Variants in INO80 observed in about 807,000 individuals in gnomAD.
INO80 encodes INO80 complex ATPase subunit.
A neutral mutation model predicts 203.4 loss-of-function variants in INO80; 20 were observed. The observed-to-expected ratio is 0.10, with a 90% CI of 0.07 to 0.14. INO80 has a LOEUF of 0.14. Ranked by LOEUF, INO80 falls within the 10% of genes least tolerant of loss-of-function variation. The pLI is 1.00. For missense variants in INO80, 1,419 were observed against 1,914.4 expected (o/e 0.74, Z 4.83); for synonymous variants, 726 against 685.2 (o/e 1.06, Z -0.93).
At chr15:41,025,958 A>C (rs1370640440) in intron 25 of INO80, among the ~76,000 whole-genome samples, 1 of 152,202 alleles carries the variant, frequency 6.6e-6, no homozygotes, top group Non-Finnish European at 1.5e-5. Context: ...GCACTAACTT[A>C]AGCTTCTGAG....
chr15:41,074,646 G>T, intron 9 of INO80, 81 bp from the exon 10 acceptor site: 1 of 888,196 alleles, frequency 1.1e-6, no homozygotes. Flanking sequence ...ACTTATATTT[G>T]CATACAATTC....
At position 41,006,869 on chromosome 15, in the gene INO80, G is replaced by T. The variant is rs1291295258; in HGVS notation, c.3403-1182C>A. Among the ~76,000 whole-genome samples, 4 of 152,132 alleles carry T rather than the reference G, an allele frequency of 2.6e-5. No individual in the cohort carries two copies. The East Asian group carries it at 7.7e-4, about 29-fold the overall frequency. On this transcript the variant is annotated intron_variant, in intron 27 of 35. Coordinates refer to ENST00000648947, the MANE Select transcript of INO80 (RefSeq NM_017553.3). ...CCTTAAGAGCTGTGATAATCAAAGAGAAGCATAAAATAAAGTGAGCTTCAA... is the reference window on the plus strand; with the variant it reads ...CCTTAAGAGCTGTGATAATCAAAGATAAGCATAAAATAAAGTGAGCTTCAA...
chr15:41,061,601 C>T lies in INO80; in HGVS notation c.1783-1675G>A, dbSNP rs554198929. Among the ~76,000 whole-genome samples, 88 of 151,142 alleles carry T rather than the reference C, an allele frequency of 5.8e-4. 1 individual carries two copies. The highest frequency in any genetic ancestry group is 2.0e-3 in the African/African-American group (82 of 41,162). On this transcript the variant is annotated intron_variant, in intron 14 of 35. Coordinates refer to ENST00000648947, the MANE Select transcript of INO80 (RefSeq NM_017553.3). Reference sequence around the variant, plus strand: ...TCGTGCCACTGCACTCCAGCCTGGGCGACAGAGTGAGACTGTGTTTCAAAA... The same window carrying T: ...TCGTGCCACTGCACTCCAGCCTGGGTGACAGAGTGAGACTGTGTTTCAAAA...
chr15:40,993,176 C>CT, intron 29 of INO80, among the ~76,000 whole-genome samples: 1 of 152,192 alleles, frequency 6.6e-6, no homozygotes, highest in Non-Finnish European at 1.5e-5. Context: ...CCTAGGCCTA[C>CT]TTTGCTTCTT....
chr15:40,991,749 A>C (rs909799430), intron 29 of INO80, among the ~76,000 whole-genome samples: 1 of 151,850 alleles, frequency 6.6e-6, no homozygotes, highest in African/African-American at 2.4e-5. Flanking sequence ...AGGGGATGAG[A>C]GAATGAGATT....
intron 29 of INO80, among the ~76,000 whole-genome samples, chr15:40,995,676 CAA>C (rs1356291394): frequency 6.6e-6 from 1 of 152,088 alleles, no homozygotes; most frequent in East Asian, 1.9e-4. Context: ...GCAGCTGGGA[CAA>C]AGTGATGAAT....
At chr15:41,003,470 C>G (rs1326888465) in intron 28 of INO80, among the ~76,000 whole-genome samples, 1 of 151,298 alleles carries the variant, frequency 6.6e-6, no homozygotes, top group Non-Finnish European at 1.5e-5. Context: ...GCTGGGATTA[C>G]AGGCGCCCAC....
At position 41,085,528 on chromosome 15, in the gene INO80, T is replaced by C; in HGVS notation, c.714A>G (p.Glu238=). The C allele has an allele frequency of 6.2e-7, 1 of 1,614,202 alleles. No individual in the cohort carries two copies. Among genetic ancestry groups the C allele is most frequent in the Non-Finnish European group, 8.5e-7 (1 of 1,180,046 alleles). ...GGTGGTGATGGCGACGAGGGGATTC[T>C]TCAGAGGAAAGTTCTTCATCTCTTC... ...KRRRDEELSS[E]ESPRRHHHQT... is the part of the protein sequence containing the mutation. Residue 238 remains glutamate (E), a synonymous_variant, in exon 7 of 36, where the codon GAA becomes GAG. Coordinates refer to ENST00000648947, the MANE Select transcript of INO80 (RefSeq NM_017553.3).
chr15:40,980,436 G>A lies in INO80; in HGVS notation c.4458C>T (p.Ile1486=). The A allele has an allele frequency of 6.2e-7, 1 of 1,612,026 alleles. No individual in the cohort carries two copies. The highest frequency in any genetic ancestry group is 1.7e-5 in the Admixed American group (1 of 60,020). The change falls in exon 36 of 36, where the codon ATC becomes ATT. Residue 1486 remains isoleucine, a synonymous_variant. Coordinates refer to ENST00000648947, the MANE Select transcript of INO80 (RefSeq NM_017553.3). Reference sequence around the variant, plus strand: ...ATGTCTGCAGAGGACTGCTGGCGGAGATTCCTGTGGGGACGGAGAGAGACA... The same window carrying A: ...ATGTCTGCAGAGGACTGCTGGCGGAAATTCCTGTGGGGACGGAGAGAGACA... ...AAYGYNVSKG[I]SASSPLQTSL...
At chr15:41,087,734 A>G in intron 5 of INO80, 52 bp from the exon 6 acceptor site, 1 of 1,559,156 alleles carries the variant, frequency 6.4e-7, no homozygotes, top group Non-Finnish European at 8.7e-7. Flanking sequence ...ACAGCTTTCA[A>G]ATTACCTTTA....
rs538816119 is a variant in INO80, at chr15:40,983,808, G to A, written c.4191C>T (p.Thr1397=). Residue 1397 remains threonine, a synonymous_variant, in exon 34 of 36, where the codon ACC becomes ACT. Transcript: ENST00000648947. ...AGCCTGTTATGGATGCGGGAGAGTT[G>A]GTAGCTCGAGACTGAGGGGCTGAGG... ...PASSAPQSRA[T]NSPASITGSV... The A allele has an allele frequency of 6.8e-6, 11 of 1,612,652 alleles. No individual in the cohort carries two copies. Among genetic ancestry groups the A allele is most frequent in the Non-Finnish European group, 9.3e-6 (11 of 1,179,982 alleles).
At chr15:41,002,390 TTAAG>T (rs144959756) in intron 28 of INO80, among the ~76,000 whole-genome samples, 4,209 of 152,252 alleles carry the variant, frequency 0.028, 181 homozygotes, top group African/African-American at 0.096. Flanking sequence ...GCTTCCCAAG[TTAAG>T]TAAGATATTT....
intron 1 of INO80, among the ~76,000 whole-genome samples, chr15:41,097,812 G>C (rs1338663234): frequency 6.6e-6 from 1 of 151,870 alleles, no homozygotes; most frequent in African/African-American, 2.4e-5. Context: ...AATTAGCTGG[G>C]CATGGTGGCA....
Position 41,050,554 on chromosome 15 carries a change from C to T in INO80, c.2275-452G>A, listed in dbSNP as rs186016204. On this transcript the variant is annotated intron_variant, in intron 19 of 35. Coordinates refer to ENST00000648947, the MANE Select transcript of INO80 (RefSeq NM_017553.3). ...TCAGTTGGGAAAGACAAACTTAACT[C>T]ACCTCTGAATGCTCTCTCACACCTC... Among the ~76,000 whole-genome samples, 409 of 152,260 alleles carry T rather than the reference C, an allele frequency of 2.7e-3. 3 individuals are homozygous for T. The highest frequency in any genetic ancestry group is 0.013 in the South Asian group (62 of 4,830).
intron 27 of INO80, chr15:41,013,155 T>C (rs2044156872): frequency 6.6e-6 from 1 of 152,228 alleles, no homozygotes; most frequent in African/African-American, 2.4e-5. Flanking sequence ...GTTGCTCACA[T>C]ACTCCACAGC....
chr15:41,078,356 A>C (rs914313978), intron 9 of INO80, among the ~76,000 whole-genome samples: 1 of 152,220 alleles, frequency 6.6e-6, no homozygotes, highest in Non-Finnish European at 1.5e-5. Flanking sequence ...AACATAACTA[A>C]GAATCTAGGT....
chr15:41,081,157 C>T (rs1402580382), intron 7 of INO80, 84 bp from the exon 8 acceptor site: 12 of 854,552 alleles, frequency 1.4e-5, no homozygotes, highest in Non-Finnish European at 2.3e-5. Context: ...TTACTCAATT[C>T]CTAGAGGGTT....
intron 29 of INO80, among the ~76,000 whole-genome samples, chr15:40,989,865 T>C (rs1295936717): frequency 6.6e-6 from 1 of 152,230 alleles, no homozygotes; most frequent in Non-Finnish European, 1.5e-5. Flanking sequence ...TATAATACAT[T>C]TGTGTACACC....
chr15:41,052,551 T>C (rs951324129), intron 19 of INO80, among the ~76,000 whole-genome samples: 5 of 151,402 alleles, frequency 3.3e-5, no homozygotes, highest in Non-Finnish European at 7.4e-5. Context: ...TGTACACCTG[T>C]AGACCCAGCT....
Sources: allele counts gnomAD v4.1 joint callset (sites outside exome capture counted in the v4.1 genomes callset), GRCh38; gene constraint gnomAD v4.1.1; transcripts MANE v1.5; gene names NCBI Gene and HGNC (gene_info 2026-07-23, HGNC 2026-07-21).